Variants in ITFG1 observed in about 807,000 individuals in gnomAD.
The protein encoded by ITFG1 is T-cell immunomodulatory protein.
A neutral mutation model predicts 81.8 loss-of-function variants in ITFG1; 34 were observed. The ratio of observed to expected loss-of-function variants is 0.42; its 90% CI spans 0.32 to 0.55. ITFG1 has a LOEUF of 0.55. Among genes scored for constraint, ITFG1 ranks in the 20% least tolerant of loss-of-function variants. The probability of loss-of-function intolerance (pLI) is 0.17; values close to 1 mark genes in which losing one functional copy is unlikely to be tolerated. For missense variants in ITFG1, 672 were observed against 755.4 expected, an observed-to-expected ratio of 0.89 and a Z score of 1.29; for synonymous variants, 285 against 270.6, an observed-to-expected ratio of 1.05 and a Z score of -0.52.
chr16:47,417,140 C>T (rs1968885261), intron 6 of ITFG1, among the ~76,000 whole-genome samples: 1 of 152,168 alleles, frequency 6.6e-6, no homozygotes, highest in African/African-American at 2.4e-5. Flanking sequence ...GCAGAGAGGC[C>T]TTTGCATGAG....
At position 47,260,525 on chromosome 16, in the gene ITFG1, C is replaced by T; in HGVS notation, c.1221+20G>A. On this transcript the variant is annotated intron_variant, in intron 11 of 17. Transcript: ENST00000320640. The stretch of plus-strand genomic sequence containing the variant: ...GAAAGGCAATTAAACTTCAAACACA[C>T]AGCCCAGCTCTGAACTCACATCTTC... 6.2e-7 allele frequency: 1 copy of T among 1,609,784 alleles called. No homozygotes were observed. The highest frequency in any genetic ancestry group is 1.1e-5 in the South Asian group (1 of 90,516).
At chr16:47,182,250 T>A (rs1965135891) in intron 14 of ITFG1, among the ~76,000 whole-genome samples, 1 of 150,964 alleles carries the variant, frequency 6.6e-6, no homozygotes. Context: ...TGGGCAAATA[T>A]GTATTAAGGG....
intron 6 of ITFG1, among the ~76,000 whole-genome samples, chr16:47,403,761 T>TACACACACACACAC (rs55978309): frequency 1.6e-4 from 21 of 133,168 alleles, no homozygotes; most frequent in Non-Finnish European, 2.1e-4. Context: ...TCTCTCTTGG[T>TACACACACACACAC]ACACACACAC....
At chr16:47,162,065 C>T (rs928411019) in intron 15 of ITFG1, among the ~76,000 whole-genome samples, 1 of 152,038 alleles carries the variant, frequency 6.6e-6, no homozygotes, top group East Asian at 1.9e-4. Context: ...ATTCATTCAA[C>T]AAATATTTAT....
chr16:47,168,813 C>T (rs1473059121), intron 14 of ITFG1, among the ~76,000 whole-genome samples: 5 of 152,108 alleles, frequency 3.3e-5, no homozygotes, highest in African/African-American at 4.8e-5. Flanking sequence ...AAATGCAGAT[C>T]TACTTCTATG....
chr16:47,391,853 C>A (rs1968535381), intron 6 of ITFG1, among the ~76,000 whole-genome samples: 7 of 152,088 alleles, frequency 4.6e-5, no homozygotes, highest in Admixed American at 4.6e-4. Context: ...GGAATTATTT[C>A]ATTATTGGGA....
chr16:47,213,193 A>G (rs1011426300), intron 14 of ITFG1, among the ~76,000 whole-genome samples: 2 of 152,160 alleles, frequency 1.3e-5, no homozygotes, highest in African/African-American at 4.8e-5. Flanking sequence ...TTAAGTTTCA[A>G]GTGTTTAGAG....
chr16:47,445,604 G>A (rs373140791), intron 5 of ITFG1, among the ~76,000 whole-genome samples: 8 of 152,106 alleles, frequency 5.3e-5, no homozygotes, highest in South Asian at 4.1e-4. Flanking sequence ...CAATTTTGCC[G>A]TGCCTATATC....
At chr16:47,267,617 C>T (rs1014708164) in intron 10 of ITFG1, among the ~76,000 whole-genome samples, 4 of 152,064 alleles carry the variant, frequency 2.6e-5, no homozygotes, top group Non-Finnish European at 4.4e-5. Flanking sequence ...AATCTTTTGA[C>T]GTAACATGAA....
intron 10 of ITFG1, 26 bp from the exon 11 acceptor site, chr16:47,260,721 G>A: frequency 1.9e-6 from 3 of 1,612,980 alleles, no homozygotes; most frequent in African/African-American, 1.3e-5. Flanking sequence ...AAGGCATTTC[G>A]TTAATATAAA....
rs189886571 is a variant in ITFG1 at position 47,331,418 on chromosome 16, C to A, written c.803-17595G>T. Among the ~76,000 whole-genome samples the A allele has an allele frequency of 7.2e-5, 11 of 152,194 alleles. No homozygotes were observed. The East Asian group carries it at 1.7e-3, about 24-fold the overall frequency. Reference sequence around the variant, plus strand: ...TAACAGGATCAATAGAAGCCCAGATCTCAGCATCATGCAAATATACCCATG... The same window carrying A: ...TAACAGGATCAATAGAAGCCCAGATATCAGCATCATGCAAATATACCCATG... On this transcript the variant is annotated intron_variant, in intron 8 of 17. Coordinates refer to ENST00000320640, the MANE Select transcript of ITFG1 (RefSeq NM_030790.5).
At chr16:47,393,608 G>A (rs1968559469) in intron 6 of ITFG1, among the ~76,000 whole-genome samples, 2 of 152,004 alleles carry the variant, frequency 1.3e-5, no homozygotes, top group Admixed American at 6.6e-5. Flanking sequence ...GCAAGAACTT[G>A]TAGTTCCAGC....
At chr16:47,291,357 C>A (rs926288610) in intron 10 of ITFG1, among the ~76,000 whole-genome samples, 1 of 151,994 alleles carries the variant, frequency 6.6e-6, no homozygotes, top group Admixed American at 6.6e-5. Context: ...CATTCTCTTG[C>A]TGTTTTTAAA....
chr16:47,289,238 C>T (rs1202404587), intron 10 of ITFG1, among the ~76,000 whole-genome samples: 2 of 152,166 alleles, frequency 1.3e-5, no homozygotes, highest in Admixed American at 6.5e-5. Context: ...TAATGTGCTG[C>T]TGAATTCAGT....
chr16:47,182,748 C>A (rs1965144873), intron 14 of ITFG1, among the ~76,000 whole-genome samples: 2 of 152,134 alleles, frequency 1.3e-5, no homozygotes, highest in Non-Finnish European at 2.9e-5. Context: ...TATAAAACTG[C>A]TTTGTAGGTG....
intron 14 of ITFG1, among the ~76,000 whole-genome samples, chr16:47,199,998 T>C (rs1043146966): frequency 6.7e-5 from 9 of 134,140 alleles, no homozygotes; most frequent in Admixed American, 5.7e-4. Flanking sequence ...GCTCAGGCCA[T>C]AATGTGAGTG....
At chr16:47,181,629 CTACTGGG>C (rs1177454121) in intron 14 of ITFG1, among the ~76,000 whole-genome samples, 3 of 151,520 alleles carry the variant, frequency 2.0e-5, no homozygotes, top group Non-Finnish European at 4.4e-5. Flanking sequence ...CCGGCCGCCC[CTACTGGG>C]AAGTGAGGAG....
At chr16:47,414,135 A>G (rs1459002875) in intron 6 of ITFG1, among the ~76,000 whole-genome samples, 1 of 152,170 alleles carries the variant, frequency 6.6e-6, no homozygotes, top group East Asian at 1.9e-4. Flanking sequence ...TGTACTTATA[A>G]AAAGGTTTAA....
At chr16:47,250,123 A>AG (rs1966052588) in intron 12 of ITFG1, among the ~76,000 whole-genome samples, 1 of 152,218 alleles carries the variant, frequency 6.6e-6, no homozygotes, top group African/African-American at 2.4e-5. Context: ...GCACATGTGT[A>AG]AAATCAAGTA....
Sources: allele counts gnomAD v4.1 joint callset (sites outside exome capture counted in the v4.1 genomes callset), GRCh38; gene constraint gnomAD v4.1.1; transcripts MANE v1.5; gene names NCBI Gene and HGNC (gene_info 2026-07-23, HGNC 2026-07-21).